The following CSMD3 variants were observed in gnomAD, a reference collection of about 807,000 sequenced individuals.
The protein encoded by CSMD3 is CUB and sushi domain-containing protein 3.
CSMD3 carries 177 observed loss-of-function variants against 435.2 expected under a neutral mutation model. The ratio of observed to expected loss-of-function variants is 0.41; its 90% CI spans 0.36 to 0.46. The LOEUF (loss-of-function observed/expected upper bound fraction) is 0.46, where lower values mean the gene tolerates loss of function less well. CSMD3 is among the 20% of genes least tolerant of loss of function. The pLI is 0.34. For synonymous variants in CSMD3, 1,656 were observed against 1,520.5 expected, an observed-to-expected ratio of 1.09 and a Z score of -2.07; for missense variants, 4,265 against 4,504.6, an observed-to-expected ratio of 0.95 and a Z score of 1.52.
intron 5 of CSMD3, among the ~76,000 whole-genome samples, chr8:113,070,728 T>C (rs987748120): frequency 1.3e-5 from 2 of 152,170 alleles, no homozygotes; most frequent in African/African-American, 4.8e-5. Context: ...TCTAGCTTAT[T>C]TCACTTAGCA....
intron 30 of CSMD3, among the ~76,000 whole-genome samples, chr8:112,501,397 A>C (rs1315045002): frequency 7.1e-6 from 1 of 141,272 alleles, no homozygotes. Flanking sequence ...ATCTCAAGGA[A>C]AAAAAAAAAA....
intron 14 of CSMD3, among the ~76,000 whole-genome samples, chr8:112,686,348 A>G (rs1312207946): frequency 6.6e-6 from 1 of 152,210 alleles, no homozygotes; most frequent in Non-Finnish European, 1.5e-5. Flanking sequence ...TTAACTTTTA[A>G]AAACATGTGA....
intron 41 of CSMD3, among the ~76,000 whole-genome samples, chr8:112,342,523 A>G (rs1312100539): frequency 6.6e-6 from 1 of 152,126 alleles, no homozygotes; most frequent in African/African-American, 2.4e-5. Flanking sequence ...TACCTGCCTT[A>G]AGTGATTTAT....
intron 10 of CSMD3, among the ~76,000 whole-genome samples, chr8:112,876,516 G>A (rs999891289): frequency 6.6e-6 from 1 of 152,154 alleles, no homozygotes; most frequent in African/African-American, 2.4e-5. Context: ...TGGGATGCAA[G>A]GCTGGTTCAA....
intron 13 of CSMD3, among the ~76,000 whole-genome samples, chr8:112,725,724 G>T (rs747018422): frequency 6.6e-6 from 1 of 151,788 alleles, no homozygotes. Flanking sequence ...GAAAAAATCC[G>T]AAGGATTTTT....
At chr8:113,400,421 T>C (rs927343161) in intron 1 of CSMD3, among the ~76,000 whole-genome samples, 16 of 152,040 alleles carry the variant, frequency 1.1e-4, no homozygotes, top group Middle Eastern at 6.8e-3. Flanking sequence ...ATTACATTTT[T>C]CCCCCATTGT....
chr8:112,533,648 G>C (rs144021547), intron 27 of CSMD3, among the ~76,000 whole-genome samples: 122 of 152,042 alleles, frequency 8.0e-4, no homozygotes, highest in African/African-American at 2.8e-3. Flanking sequence ...TAAAGGGAGA[G>C]AGAAAGAACA....
intron 7 of CSMD3, among the ~76,000 whole-genome samples, chr8:112,970,135 A>G (rs560929067): frequency 6.6e-6 from 1 of 152,174 alleles, no homozygotes; most frequent in East Asian, 1.9e-4. Context: ...TAATTCTAAA[A>G]TAGATAATTC....
chr8:112,265,636 T>C (rs1319352220), intron 59 of CSMD3, 46 bp from the exon 60 acceptor site: 1 of 1,359,646 alleles, frequency 7.4e-7, no homozygotes. Context: ...GAGGCATGTA[T>C]TTAATGGAGA....
At chr8:112,799,045 TG>T (rs1297140674) in intron 13 of CSMD3, among the ~76,000 whole-genome samples, 46 of 151,922 alleles carry the variant, frequency 3.0e-4, no homozygotes, top group Admixed American at 3.0e-3. Context: ...ATAAGCCAAT[TG>T]TTCTTTAAAT....
intron 7 of CSMD3, among the ~76,000 whole-genome samples, chr8:112,960,972 G>A (rs915597440): frequency 6.6e-5 from 10 of 151,740 alleles, no homozygotes; most frequent in Middle Eastern, 3.4e-3. Context: ...TTTGTACATA[G>A]CACTTACTCT....
intron 46 of CSMD3, among the ~76,000 whole-genome samples, chr8:112,319,215 G>A (rs947477417): frequency 2.0e-5 from 3 of 151,954 alleles, no homozygotes; most frequent in African/African-American, 7.2e-5. Flanking sequence ...TAGTCATAAG[G>A]AAATAATTTA....
chr8:113,319,065 G>A (rs541250532), intron 1 of CSMD3, among the ~76,000 whole-genome samples: 1 of 151,870 alleles, frequency 6.6e-6, no homozygotes, highest in African/African-American at 2.4e-5. Flanking sequence ...TATATACCTG[G>A]AAGAGGAGTT....
chr8:112,780,106 T>G (rs2078345931), intron 13 of CSMD3, among the ~76,000 whole-genome samples: 1 of 152,056 alleles, frequency 6.6e-6, no homozygotes, highest in African/African-American at 2.4e-5. Flanking sequence ...ATAGGAATTG[T>G]GGTGATTATA....
chr8:112,318,547 C>T (rs1822690559), intron 47 of CSMD3, among the ~76,000 whole-genome samples: 3 of 151,980 alleles, frequency 2.0e-5, no homozygotes, highest in Admixed American at 2.0e-4. Flanking sequence ...ATTTCCCTTT[C>T]TCTCCACCTC....
At chr8:113,237,059 A>G (rs1041800740) in intron 3 of CSMD3, among the ~76,000 whole-genome samples, 1 of 152,142 alleles carries the variant, frequency 6.6e-6, no homozygotes, top group Non-Finnish European at 1.5e-5. Context: ...ATCATGCTTG[A>G]CAATATTCTG....
chr8:113,186,774 C>G (rs1437935018), intron 3 of CSMD3, among the ~76,000 whole-genome samples: 2 of 151,990 alleles, frequency 1.3e-5, no homozygotes, highest in Admixed American at 1.3e-4. Flanking sequence ...CTTTATTTAA[C>G]GTTCCACAGC....
intron 3 of CSMD3, among the ~76,000 whole-genome samples, chr8:113,267,419 A>G (rs1185084689): frequency 6.6e-6 from 1 of 151,794 alleles, no homozygotes; most frequent in Non-Finnish European, 1.5e-5. Flanking sequence ...ACCATAAAAA[A>G]GAGTTAAGTC....
At chr8:112,761,344 T>C (rs1185916704) in intron 13 of CSMD3, among the ~76,000 whole-genome samples, 1 of 152,146 alleles carries the variant, frequency 6.6e-6, no homozygotes, top group Non-Finnish European at 1.5e-5. Flanking sequence ...TATGAATATG[T>C]TTTTAGAAAA....
Sources: allele counts gnomAD v4.1 joint callset (sites outside exome capture counted in the v4.1 genomes callset), GRCh38; gene constraint gnomAD v4.1.1; transcripts MANE v1.5; gene names NCBI Gene and HGNC (gene_info 2026-07-23, HGNC 2026-07-21).